TTBK1: variants seen among roughly 807,000 people sequenced by gnomAD.
The protein encoded by TTBK1 is tau tubulin kinase 1, also known as tau-tubulin kinase 1.
A neutral mutation model predicts 108.5 loss-of-function variants in TTBK1; 34 were observed. That is an observed-to-expected ratio of 0.31 (90% CI 0.24 to 0.42). TTBK1 has a LOEUF of 0.42. TTBK1 is among the 10% of genes least tolerant of loss of function. The pLI, the probability that TTBK1 is intolerant of heterozygous loss-of-function variation, is 1.00. For missense variants in TTBK1, 1,539 were observed against 1,826.0 expected (o/e 0.84, Z 2.86); for synonymous variants, 809 against 795.1 (o/e 1.02, Z -0.29).
chr6:43,249,266 C>T (rs570653017), intron 2 of TTBK1, among the ~76,000 whole-genome samples: 110 of 152,234 alleles, frequency 7.2e-4, no homozygotes, highest in Non-Finnish European at 3.5e-4. Flanking sequence ...GAAACCAGGT[C>T]TCCTTCCTCC....
chr6:43,266,042 T>C (rs1777668936), intron 13 of TTBK1, among the ~76,000 whole-genome samples: 1 of 152,084 alleles, frequency 6.6e-6, no homozygotes, highest in African/African-American at 2.4e-5. Flanking sequence ...CGGGCTCGGG[T>C]CCTGCTTGTG....
rs930488058 is a variant in TTBK1, at chr6:43,263,640, G to A, written c.1986+290G>A. Among the ~76,000 whole-genome samples, 9 of 152,228 alleles carry A rather than the reference G, an allele frequency of 5.9e-5. No individual in the cohort carries two copies. The highest frequency in any genetic ancestry group is 1.4e-4 in the African/African-American group (6 of 41,468). ...GGCCACGGGCACAGTGTTTTGCACA[G>A]GCCGGGAGGGGGCGATCTGAGAACA... is the stretch of plus-strand genomic sequence containing the variant. On this transcript the variant is annotated intron_variant, in intron 13 of 14. Coordinates refer to ENST00000259750, the MANE Select transcript of TTBK1 (RefSeq NM_032538.3). The surrounding 1 kb of genome is among the most constrained non-coding windows in gnomAD (Gnocchi z 4.7).
At position 43,286,535 on chromosome 6, in the gene TTBK1, A is replaced by G. The variant is rs1332491561; in HGVS notation, c.*1159A>G. 1 of 152,530 alleles carries G rather than the reference A, an allele frequency of 6.6e-6. No homozygotes were observed. Among genetic ancestry groups the G allele is most frequent in the East Asian group, 1.9e-4 (1 of 5,194 alleles). 9.4% of individuals were successfully genotyped at this position (152,530 alleles called of 1,614,324 possible). A position where few individuals can be genotyped will look rare whatever the true frequency, so the allele number is the denominator to read the frequency against. On this transcript the variant is annotated 3_prime_UTR_variant, in exon 15 of 15. Coordinates refer to ENST00000259750, the MANE Select transcript of TTBK1 (RefSeq NM_032538.3). This position sits in a 1 kb window ranked among gnomAD's most constrained non-coding sequence, Gnocchi z 4.6. ...GTCTCCCGCAATGGGCAGAGAGAGCAGAGACAGGTGGACCAACAGACAGCT... is the reference window on the plus strand; with the variant it reads ...GTCTCCCGCAATGGGCAGAGAGAGCGGAGACAGGTGGACCAACAGACAGCT...
rs183081860 is a variant in TTBK1 at position 43,284,457 on chromosome 6, T to C, written c.3572+145T>C. 3.5e-3 allele frequency: 4,826 copies of C among 1,367,616 alleles called. 10 individuals are homozygous for C. The highest frequency in any genetic ancestry group is 4.1e-3 in the Non-Finnish European group (4,285 of 1,050,044). The allele number at this position is 1,367,616 out of a possible 1,614,324, so 84.7% of individuals were successfully genotyped here. A position where few individuals can be genotyped will look rare whatever the true frequency, so the allele number is the denominator to read the frequency against. On this transcript the variant is annotated intron_variant, in intron 14 of 14. Coordinates refer to ENST00000259750, the MANE Select transcript of TTBK1 (RefSeq NM_032538.3). ...CCTCCTGTCCAGCACCTCCCAACTG[T>C]GCTCTGCCTCACTCTGATTCGGGTT... is the stretch of plus-strand genomic sequence containing the variant.
intron 2 of TTBK1, among the ~76,000 whole-genome samples, chr6:43,248,310 G>A (rs907990834): frequency 5.3e-5 from 8 of 152,118 alleles, no homozygotes; most frequent in Non-Finnish European, 1.0e-4. Flanking sequence ...CCTTCAGCCT[G>A]TTCCAAGTGA....
At position 43,257,272 on chromosome 6, in the gene TTBK1, C is replaced by T. The variant is rs930659002; in HGVS notation, c.862-540C>T. On this transcript the variant is annotated intron_variant, in intron 9 of 14. Coordinates refer to ENST00000259750, the MANE Select transcript of TTBK1 (RefSeq NM_032538.3). The surrounding 1 kb of genome is among the most constrained non-coding windows in gnomAD (Gnocchi z 4.5). ...CCCAAAGCCACACAGCTGCGAGCAC[C>T]CCCCAGGCTGGGGCCCTGTGCTGGC... 6.6e-6 allele frequency among the ~76,000 whole-genome samples: 1 copy of T among 152,208 alleles called. No individual in the cohort carries two copies. The highest frequency in any genetic ancestry group is 2.4e-5 in the African/African-American group (1 of 41,440).
rs550837051 is a variant in TTBK1, at chr6:43,274,282, C to A, written c.1987-8445C>A. Among the ~76,000 whole-genome samples the A allele has an allele frequency of 9.2e-5, 14 of 152,294 alleles. No homozygotes were observed. In the South Asian group the frequency reaches 2.9e-3, roughly 32 times the overall value. On this transcript the variant is annotated intron_variant, in intron 13 of 14. Transcript: ENST00000259750. ...TTTGGGGAAAACAGACACAGCCCTGCCTAGTGGGTGGGGGATGGTGGCACC... is the reference window on the plus strand; with the variant it reads ...TTTGGGGAAAACAGACACAGCCCTGACTAGTGGGTGGGGGATGGTGGCACC...
chr6:43,285,289 G>T lies in TTBK1; in HGVS notation c.3879G>T (p.Lys1293Asn), dbSNP rs1582530170. ...GCACCCCCTCCCCCGGGGGCTCCAA[G>T]AAAGGACCCAGAGGGAAACTCCAGG... is the stretch of plus-strand genomic sequence containing the variant. ...PDGTPSPGGS[K>N]KGPRGKLQAQ... The change falls in exon 15 of 15, where the codon AAG becomes AAT. Residue 1293 changes from lysine (K) to asparagine (N), a missense_variant. Around this residue, in one of 5 missense-constraint regions of TTBK1, gnomAD observed 1,055 missense variants for 1,086.5 expected, o/e 0.97. Coordinates refer to ENST00000259750, the MANE Select transcript of TTBK1 (RefSeq NM_032538.3). The surrounding 1 kb of genome is among the most constrained non-coding windows in gnomAD (Gnocchi z 4.7). 2.3e-6 allele frequency: 3 copies of T among 1,292,406 alleles called. No individual in the cohort carries two copies. Among genetic ancestry groups the T allele is most frequent in the East Asian group, 3.1e-5 (1 of 31,950 alleles). 80.1% of individuals were successfully genotyped at this position (1,292,406 alleles called of 1,614,324 possible).
chr6:43,258,273 C>T (rs983340371), intron 10 of TTBK1, among the ~76,000 whole-genome samples: 13 of 152,168 alleles, frequency 8.5e-5, no homozygotes, highest in African/African-American at 2.9e-4. Flanking sequence ...AATTTAACAG[C>T]CATGTCCTGA....
At chr6:43,275,250 C>T (rs1045759034) in intron 13 of TTBK1, among the ~76,000 whole-genome samples, 2 of 151,996 alleles carry the variant, frequency 1.3e-5, no homozygotes, top group Non-Finnish European at 2.9e-5. Flanking sequence ...ATGTACGGCC[C>T]GCCCCACACA....
rs1777605076 is a variant in TTBK1, at chr6:43,263,642, C to T, written c.1986+292C>T. On this transcript the variant is annotated intron_variant, in intron 13 of 14. Transcript: ENST00000259750. The surrounding 1 kb of genome is among the most constrained non-coding windows in gnomAD (Gnocchi z 4.7). The stretch of plus-strand genomic sequence containing the variant: ...CCACGGGCACAGTGTTTTGCACAGG[C>T]CGGGAGGGGGCGATCTGAGAACACT... 6.6e-6 allele frequency among the ~76,000 whole-genome samples: 1 copy of T among 152,134 alleles called. No individual in the cohort carries two copies. Among genetic ancestry groups the T allele is most frequent in the Admixed American group, 6.5e-5 (1 of 15,276 alleles).
intron 13 of TTBK1, among the ~76,000 whole-genome samples, chr6:43,274,697 A>G (rs1777917591): frequency 6.6e-6 from 1 of 151,100 alleles, no homozygotes; most frequent in African/African-American, 2.4e-5. Context: ...AAGGGGCAGG[A>G]ACCAGCCCAC....
In TTBK1 at chr6:43,246,666, G is replaced by A; in HGVS notation, c.6G>A (p.Gln2=). The change falls in exon 2 of 15, where the codon CAG becomes CAA. Residue 2 remains glutamine (Q), a synonymous_variant. Transcript: ENST00000259750. Reference sequence around the variant, plus strand: ...CCCCTCCCTCTGGCTGGCGGATGCAGTGCCTAGCGGCCGCCCTTAAGGACG... The same window carrying A: ...CCCCTCCCTCTGGCTGGCGGATGCAATGCCTAGCGGCCGCCCTTAAGGACG... M[Q]CLAAALKDET... 2 of 1,602,936 alleles carry A rather than the reference G, an allele frequency of 1.2e-6. No individual in the cohort carries two copies. Among genetic ancestry groups the A allele is most frequent in the Non-Finnish European group, 1.7e-6 (2 of 1,174,278 alleles).
At position 43,261,354 on chromosome 6, in the gene TTBK1, G is replaced by A. The variant is rs1172168931; in HGVS notation, c.1425-1435G>A. Among the ~76,000 whole-genome samples the A allele has an allele frequency of 4.6e-5, 7 of 152,222 alleles. No homozygotes were observed. The East Asian group carries it at 5.8e-4, about 13-fold the overall frequency. On this transcript the variant is annotated intron_variant, in intron 12 of 14. Coordinates refer to ENST00000259750, the MANE Select transcript of TTBK1 (RefSeq NM_032538.3). ...CAAACCCCAGATAGGTTAGGCCTCC[G>A]TGCTGGCTCTCAGTGGGGTACCCTG...
chr6:43,244,525 G>A (rs1458934094), intron 1 of TTBK1, among the ~76,000 whole-genome samples: 1 of 152,150 alleles, frequency 6.6e-6, no homozygotes. Flanking sequence ...CGGCAGTAAC[G>A]GGGCAGCCAA....
At chr6:43,264,344 T>A in intron 13 of TTBK1, among the ~76,000 whole-genome samples, 1 of 152,104 alleles carries the variant, frequency 6.6e-6, no homozygotes, top group East Asian at 1.9e-4. Flanking sequence ...GACTGTGCCA[T>A]TGCACTCCAG....
In TTBK1 at chr6:43,259,426, C is replaced by A; in HGVS notation, c.1249-105C>A. On this transcript the variant is annotated intron_variant, in intron 11 of 14. Transcript: ENST00000259750. The surrounding 1 kb of genome is among the most constrained non-coding windows in gnomAD (Gnocchi z 6.7). ...CCGGTCCCTCCCCGCACTAGCCTCG[C>A]TGTGTCTTCCATCATCATCATCCTC... 7.3e-7 allele frequency: 1 copy of A among 1,374,054 alleles called. No homozygotes were observed. Among genetic ancestry groups the A allele is most frequent in the African/African-American group, 1.5e-5 (1 of 68,882 alleles). The allele number at this position is 1,374,054 out of a possible 1,614,324, so 85.1% of individuals were successfully genotyped here.
At chr6:43,255,528 G>A (rs1368942625) in intron 7 of TTBK1, 24 bp from the exon 8 acceptor site, 1 of 1,573,244 alleles carries the variant, frequency 6.4e-7, no homozygotes, top group Non-Finnish European at 8.6e-7. Context: ...AGAGCTGCAG[G>A]TGACTCCCTC....
At chr6:43,264,030 G>A (rs528977388) in intron 13 of TTBK1, among the ~76,000 whole-genome samples, 46 of 152,210 alleles carry the variant, frequency 3.0e-4, no homozygotes, top group African/African-American at 1.0e-3. Context: ...GGGCCAGGGC[G>A]TCTCGTGTCT....
Sources: gnomAD v4.1 joint callset for allele counts (sites outside exome capture counted in the v4.1 genomes callset) on GRCh38, gnomAD v4.1.1 for gene constraint, gnomAD v4.1.1 regional missense constraint, Gnocchi (gnomAD v3.1) non-coding constraint, MANE v1.5 for transcripts, NCBI Gene and HGNC (gene_info 2026-07-23, HGNC 2026-07-21) for gene names.